The following KHDRBS2 variants were observed in gnomAD, a reference collection of about 807,000 sequenced individuals.
The protein encoded by KHDRBS2 is KH RNA binding domain containing, signal transduction associated 2, also known as KH domain-containing, RNA-binding, signal transduction-associated protein 2.
In KHDRBS2, 26 loss-of-function variants were observed where a neutral mutation model predicts 44.3. That is an observed-to-expected ratio of 0.59 (90% CI 0.43 to 0.81). The LOEUF is 0.81. Ranked by LOEUF, KHDRBS2 falls within the 40% of genes least tolerant of loss-of-function variation. The pLI, the probability that KHDRBS2 is intolerant of heterozygous loss-of-function variation, is 0.00. For missense variants in KHDRBS2, 476 were observed against 433.1 expected, an observed-to-expected ratio of 1.10 and a Z score of -0.88; for synonymous variants, 194 against 151.1, an observed-to-expected ratio of 1.28 and a Z score of -2.08.
At chr6:61,764,275 T>C (rs1173835920) in intron 6 of KHDRBS2, among the ~76,000 whole-genome samples, 3 of 152,188 alleles carry the variant, frequency 2.0e-5, no homozygotes, top group Non-Finnish European at 2.9e-5. Flanking sequence ...CTATTGTGAA[T>C]AGTGTTGCAG....
At chr6:61,897,852 C>T (rs1470164527) in intron 5 of KHDRBS2, among the ~76,000 whole-genome samples, 1 of 152,088 alleles carries the variant, frequency 6.6e-6, no homozygotes, top group Admixed American at 6.6e-5. Context: ...TCGTTCTCAA[C>T]GTGGTAAACA....
chr6:62,225,454 A>C (rs1831609948), intron 1 of KHDRBS2, among the ~76,000 whole-genome samples: 1 of 152,204 alleles, frequency 6.6e-6, no homozygotes, highest in Non-Finnish European at 1.5e-5. Context: ...TGACAAATGG[A>C]AGAAACATGA....
chr6:61,942,550 G>T (rs1296472323), intron 4 of KHDRBS2, among the ~76,000 whole-genome samples: 1 of 151,856 alleles, frequency 6.6e-6, no homozygotes, highest in African/African-American at 2.4e-5. Flanking sequence ...GAATAAAAAA[G>T]AAAAAGCAAA....
intron 4 of KHDRBS2, among the ~76,000 whole-genome samples, chr6:61,967,957 T>TACAC (rs72296296): frequency 9.5e-5 from 7 of 73,586 alleles, no homozygotes; most frequent in African/African-American, 2.8e-4. Context: ...TATATATATA[T>TACAC]ACACACACAC....
At chr6:62,275,396 A>G (rs1437643722) in intron 1 of KHDRBS2, among the ~76,000 whole-genome samples, 2 of 152,288 alleles carry the variant, frequency 1.3e-5, no homozygotes, top group Non-Finnish European at 2.9e-5. Context: ...CAGAAAAAAA[A>G]CTTAAAACTG....
intron 1 of KHDRBS2, among the ~76,000 whole-genome samples, chr6:62,245,046 A>C (rs1246902719): frequency 1.3e-5 from 2 of 152,110 alleles, no homozygotes; most frequent in African/African-American, 4.8e-5. Context: ...CAAGATCCCT[A>C]TATACTAGAA....
At chr6:62,103,389 C>G (rs1409076393) in intron 2 of KHDRBS2, among the ~76,000 whole-genome samples, 1 of 152,240 alleles carries the variant, frequency 6.6e-6, no homozygotes, top group Non-Finnish European at 1.5e-5. Context: ...GAGGGTATGA[C>G]ATGTCAGAAC....
chr6:61,669,157 T>A, the KHDRBS2 span, among the ~76,000 whole-genome samples: 1 of 151,058 alleles, frequency 6.6e-6, no homozygotes, highest in Non-Finnish European at 1.5e-5. Flanking sequence ...GGACTCAATA[T>A]CTTGAGCCAA....
At chr6:61,809,675 T>A (rs536952882) in intron 6 of KHDRBS2, among the ~76,000 whole-genome samples, 1 of 152,136 alleles carries the variant, frequency 6.6e-6, no homozygotes, top group Non-Finnish European at 1.5e-5. Flanking sequence ...GCCCAGAAAA[T>A]GGCAACCTCA....
chr6:61,620,709 C>T, the KHDRBS2 span, among the ~76,000 whole-genome samples: 10 of 152,302 alleles, frequency 6.6e-5, no homozygotes, highest in East Asian at 1.9e-3. Flanking sequence ...TCAGCATTCA[C>T]CTAGAGGCTA....
intron 6 of KHDRBS2, among the ~76,000 whole-genome samples, chr6:61,760,450 T>A (rs1406762177): frequency 2.6e-5 from 4 of 151,900 alleles, no homozygotes; most frequent in Non-Finnish European, 1.5e-5. Flanking sequence ...CTGGGCAACA[T>A]GACAAAACCT....
At position 62,195,894 on chromosome 6, in the gene KHDRBS2, T is replaced by C. The variant is rs12660093; in HGVS notation, c.92-18582A>G. Among the ~76,000 whole-genome samples, 29 of 152,234 alleles carry C rather than the reference T, an allele frequency of 1.9e-4. No homozygotes were observed. In the East Asian group the frequency reaches 4.8e-3, roughly 25 times the overall value. On this transcript the variant is annotated intron_variant, in intron 1 of 8. Coordinates refer to ENST00000281156, the MANE Select transcript of KHDRBS2 (RefSeq NM_152688.4). ...AGAAAAAAAGAACAGAACTAAACAT[T>C]AGAAATAATGTTTTAAAATGTAAAT...
intron 2 of KHDRBS2, among the ~76,000 whole-genome samples, chr6:62,075,636 C>T (rs1305601826): frequency 6.6e-6 from 1 of 151,854 alleles, no homozygotes; most frequent in Non-Finnish European, 1.5e-5. Flanking sequence ...AAATTTTTTC[C>T]TCCTGCTTTC....
intron 8 of KHDRBS2, among the ~76,000 whole-genome samples, chr6:61,691,196 G>A (rs1271617791): frequency 1.3e-5 from 2 of 152,048 alleles, no homozygotes; most frequent in Non-Finnish European, 2.9e-5. Flanking sequence ...ATTAAGGAGT[G>A]CATTATTCAA....
chr6:62,140,496 C>G (rs1416527047), intron 2 of KHDRBS2, among the ~76,000 whole-genome samples: 1 of 151,928 alleles, frequency 6.6e-6, no homozygotes, highest in Non-Finnish European at 1.5e-5. Context: ...CAAAATGAAC[C>G]CAGTTAAAGA....
chr6:62,164,638 T>A (rs1818307337), intron 2 of KHDRBS2, among the ~76,000 whole-genome samples: 1 of 151,906 alleles, frequency 6.6e-6, no homozygotes, highest in Admixed American at 6.6e-5. Context: ...AACAAACTCA[T>A]TTGTTTCATG....
intron 7 of KHDRBS2, among the ~76,000 whole-genome samples, chr6:61,717,844 C>T (rs1385171939): frequency 6.6e-6 from 1 of 151,974 alleles, no homozygotes; most frequent in Non-Finnish European, 1.5e-5. Flanking sequence ...TCCCTATTTT[C>T]TTATATTAAA....
chr6:61,894,899 A>C (rs1284823092), intron 5 of KHDRBS2, 66 bp from the exon 6 acceptor site: 1 of 1,127,272 alleles, frequency 8.9e-7, no homozygotes, highest in Non-Finnish European at 1.3e-6. Flanking sequence ...ATCACAGAAA[A>C]AGTTTTCATC....
chr6:61,732,597 A>G (rs1335656032), intron 7 of KHDRBS2, 85 bp downstream of exon 7: 4 of 793,542 alleles, frequency 5.0e-6, no homozygotes, highest in Middle Eastern at 2.3e-4. Flanking sequence ...AAATTCTCAC[A>G]TGATATAATT....
Sources: allele counts gnomAD v4.1 joint callset (sites outside exome capture counted in the v4.1 genomes callset), GRCh38; gene constraint gnomAD v4.1.1; transcripts MANE v1.5; gene names NCBI Gene and HGNC (gene_info 2026-07-23, HGNC 2026-07-21).